The following PRKCB variants were observed in gnomAD, a reference collection of about 807,000 sequenced individuals.
PRKCB encodes the protein protein kinase C beta.
Under a neutral mutation model 81.5 loss-of-function variants are expected in PRKCB, and 13 were observed. That is an observed-to-expected ratio of 0.16 (90% CI 0.10 to 0.25). The LOEUF is 0.25. Ranked by LOEUF, PRKCB falls within the 10% of genes least tolerant of loss-of-function variation. The pLI is 1.00. For synonymous variants in PRKCB, 335 were observed against 321.4 expected, an observed-to-expected ratio of 1.04 and a Z score of -0.45; for missense variants, 509 against 875.7, an observed-to-expected ratio of 0.58 and a Z score of 5.29.
At chr16:23,974,212 G>A (rs186125947) in intron 2 of PRKCB, among the ~76,000 whole-genome samples, 114 of 152,160 alleles carry the variant, frequency 7.5e-4, no homozygotes, top group African/African-American at 2.7e-3. Context: ...TGAGAAATGA[G>A]GCAGAAGAAT....
intron 2 of PRKCB, among the ~76,000 whole-genome samples, chr16:23,940,507 G>A (rs1964127999): frequency 6.6e-6 from 1 of 151,866 alleles, no homozygotes; most frequent in South Asian, 2.1e-4. Context: ...ATAGTGTTAG[G>A]ATATATAAAA....
intron 9 of PRKCB, among the ~76,000 whole-genome samples, chr16:24,143,245 G>A (rs988728782): frequency 6.6e-6 from 1 of 152,086 alleles, no homozygotes; most frequent in African/African-American, 2.4e-5. Context: ...CGAGTCTCCT[G>A]CCTCAGCCTC....
chr16:24,069,668 AG>A (rs1966082929), intron 5 of PRKCB, among the ~76,000 whole-genome samples: 1 of 152,156 alleles, frequency 6.6e-6, no homozygotes, highest in African/African-American at 2.4e-5. Context: ...TGAACCCCAA[AG>A]GTTGAGGCTG....
At chr16:24,058,995 AAC>A (rs1157532973) in intron 5 of PRKCB, among the ~76,000 whole-genome samples, 1 of 135,726 alleles carries the variant, frequency 7.4e-6, no homozygotes, top group Non-Finnish European at 1.6e-5. Context: ...AGTCAGGACT[AAC>A]AGAGATTTCT....
chr16:24,219,391 C>G lies in PRKCB; in HGVS notation c.*4575C>G. ...TGCCTGATAAACACCCAATTCTAGA[C>G]TGTGGGTGGATTTTCGAGCTGACGG... On this transcript the variant is annotated 3_prime_UTR_variant, in exon 17 of 17. Coordinates refer to ENST00000643927, the MANE Select transcript of PRKCB (RefSeq NM_002738.7). 1 of 985,636 alleles carries G rather than the reference C, an allele frequency of 1.0e-6. No individual in the cohort carries two copies. Among genetic ancestry groups the G allele is most frequent in the South Asian group, 4.7e-5 (1 of 21,276 alleles). 61.1% of individuals were successfully genotyped at this position (985,636 alleles called of 1,614,324 possible).
At chr16:23,882,008 T>TTCTTTCTTTCTTTC (rs1963121452) in intron 2 of PRKCB, among the ~76,000 whole-genome samples, 17 of 97,908 alleles carry the variant, frequency 1.7e-4, no homozygotes, top group African/African-American at 4.3e-4. Flanking sequence ...CTTTCTTTCT[T>TTCTTTCTTTCTTTC]TCTTTCTTTC....
At chr16:23,886,601 C>T (rs1402274264) in intron 2 of PRKCB, among the ~76,000 whole-genome samples, 3 of 151,842 alleles carry the variant, frequency 2.0e-5, no homozygotes, top group South Asian at 2.1e-4. Flanking sequence ...TTAGTAGAGA[C>T]GAGGTTTCAC....
chr16:24,185,385 G>T, intron 14 of PRKCB, 75 bp from the exon 15 acceptor site: 4 of 1,392,656 alleles, frequency 2.9e-6, no homozygotes, highest in Non-Finnish European at 4.0e-6. Flanking sequence ...AGGGAGGAGG[G>T]TCTGCCAGTT....
At chr16:23,918,521 C>T (rs1469351303) in intron 2 of PRKCB, among the ~76,000 whole-genome samples, 4 of 151,982 alleles carry the variant, frequency 2.6e-5, no homozygotes, top group Admixed American at 6.6e-5. Context: ...CTCAGCCACC[C>T]GAGTAGCTGG....
intron 2 of PRKCB, among the ~76,000 whole-genome samples, chr16:23,941,175 G>A (rs545787561): frequency 2.6e-5 from 4 of 152,306 alleles, no homozygotes; most frequent in South Asian, 2.1e-4. Context: ...GAAGGCAGCC[G>A]TGGACAATTT....
intron 15 of PRKCB, among the ~76,000 whole-genome samples, chr16:24,187,502 A>G (rs1967721557): frequency 6.6e-6 from 1 of 152,072 alleles, no homozygotes. Context: ...TATTATTACT[A>G]TTACTAGTGC....
chr16:24,032,016 C>T, intron 3 of PRKCB, 120 bp from the exon 4 acceptor site: 1 of 657,620 alleles, frequency 1.5e-6, no homozygotes, highest in Non-Finnish European at 2.7e-6. Context: ...CCAACAGGTA[C>T]AATGACCTCT....
chr16:23,847,353 TATCTATCTATCTATCTATCTATCTGTCC>T (rs200866232), intron 2 of PRKCB, among the ~76,000 whole-genome samples: 4,120 of 117,352 alleles, frequency 0.035, 112 homozygotes, highest in East Asian at 0.18. Flanking sequence ...TCTATCTATC[TATCTATCTATCTATCTATCTATCTGTCC>T]ATCTATCTAT....
chr16:23,853,834 A>G (rs1962513566), intron 2 of PRKCB, among the ~76,000 whole-genome samples: 2 of 151,258 alleles, frequency 1.3e-5, no homozygotes, highest in South Asian at 4.2e-4. Context: ...TGCCTGTTGT[A>G]TTAATCCATT....
chr16:23,863,255 T>TACACACACACAC (rs57495485), intron 2 of PRKCB, among the ~76,000 whole-genome samples: 148 of 132,832 alleles, frequency 1.1e-3, no homozygotes, highest in African/African-American at 3.9e-3. Flanking sequence ...TATATACACA[T>TACACACACACAC]ACACACACAC....
At chr16:23,911,138 T>TTTTTTTTTG (rs1963647218) in intron 2 of PRKCB, among the ~76,000 whole-genome samples, 1 of 111,388 alleles carries the variant, frequency 9.0e-6, no homozygotes, top group Non-Finnish European at 1.9e-5. Context: ...CTTTTTTTTT[T>TTTTTTTTTG]TTTTTTTTTT....
At chr16:24,038,542 T>C (rs2141860003) in intron 5 of PRKCB, among the ~76,000 whole-genome samples, 1 of 152,380 alleles carries the variant, frequency 6.6e-6, no homozygotes, top group Admixed American at 6.5e-5. Flanking sequence ...CCTGGGCCTC[T>C]GGCCCCATGT....
chr16:24,069,091 G>A (rs1192783262), intron 5 of PRKCB, among the ~76,000 whole-genome samples: 1 of 152,104 alleles, frequency 6.6e-6, no homozygotes, highest in East Asian at 1.9e-4. Context: ...CTGAGTTACC[G>A]AGAAGTTAGG....
intron 3 of PRKCB, among the ~76,000 whole-genome samples, chr16:23,990,181 A>G (rs1335349858): frequency 1.3e-5 from 2 of 151,718 alleles, no homozygotes; most frequent in African/African-American, 4.8e-5. Context: ...TTTTTTGGCC[A>G]GGCACGGTGG....
Sources: gnomAD v4.1 joint callset for allele counts (sites outside exome capture counted in the v4.1 genomes callset) on GRCh38, gnomAD v4.1.1 for gene constraint, MANE v1.5 for transcripts, NCBI Gene and HGNC (gene_info 2026-07-23, HGNC 2026-07-21) for gene names.